Variants in NPM1 observed in about 807,000 individuals in gnomAD.
The protein encoded by NPM1 is nucleophosmin.
In NPM1, 1 loss-of-function variant was observed where a neutral mutation model predicts 44.1. That is an observed-to-expected ratio of 0.02 (90% CI 0.01 to 0.11). The LOEUF (loss-of-function observed/expected upper bound fraction) is 0.11, where lower values mean the gene tolerates loss of function less well. NPM1 is among the 10% of genes least tolerant of loss of function. NPM1 has a pLI of 1.00. For missense variants in NPM1, 197 were observed against 347.8 expected, an observed-to-expected ratio of 0.57 and a Z score of 3.45; for synonymous variants, 126 against 111.8, an observed-to-expected ratio of 1.13 and a Z score of -0.80.
intron 10 of NPM1, among the ~76,000 whole-genome samples, chr5:171,410,043 G>A (rs572088771): frequency 4.0e-5 from 6 of 151,726 alleles, no homozygotes; most frequent in African/African-American, 7.3e-5. Flanking sequence ...TGATCTGCCC[G>A]CCTCAGTCTC....
intron 8 of NPM1, among the ~76,000 whole-genome samples, chr5:171,403,701 T>C (rs1581254960): frequency 2.3e-5 from 3 of 131,804 alleles, no homozygotes; most frequent in Non-Finnish European, 4.8e-5. Context: ...CCCCCCCACC[T>C]CCCTCCCGGA....
chr5:171,391,199 C>G (rs1234537912), intron 2 of NPM1, 106 bp from the exon 3 acceptor site: 1 of 1,280,024 alleles, frequency 7.8e-7, no homozygotes, highest in Non-Finnish European at 1.1e-6. Context: ...TTTCTCAGAA[C>G]CTAGCCCTGT....
chr5:171,405,443 C>A (rs1561875449), intron 9 of NPM1, 40 bp downstream of exon 9: 1 of 861,048 alleles, frequency 1.2e-6, no homozygotes, highest in South Asian at 1.5e-5. Context: ...TCTCCCCCCT[C>A]AAATTGCACG....
At chr5:171,390,399 C>T (rs193175721) in intron 2 of NPM1, among the ~76,000 whole-genome samples, 5 of 152,252 alleles carry the variant, frequency 3.3e-5, no homozygotes, top group Admixed American at 6.5e-5. Context: ...TAAAAGGCAT[C>T]GATAATCTTT....
chr5:171,400,581 T>TGA (rs1357067592), intron 7 of NPM1, among the ~76,000 whole-genome samples: 3 of 151,642 alleles, frequency 2.0e-5, no homozygotes, highest in Non-Finnish European at 2.9e-5. Flanking sequence ...CTCAGCCTCC[T>TGA]GAGTAGCTGG....
intron 10 of NPM1, among the ~76,000 whole-genome samples, chr5:171,408,344 A>C (rs1305514285): frequency 3.3e-5 from 5 of 152,200 alleles, no homozygotes. Flanking sequence ...TCTTATTTAC[A>C]GTTGACTCAT....
chr5:171,387,644 T>C (rs552961179), upstream of NPM1: 98 of 434,566 alleles, frequency 2.3e-4, 1 homozygote, highest in East Asian at 3.8e-3. Context: ...GGGGCCAGTG[T>C]ACGAGTGCGC....
chr5:171,390,259 TTG>T, intron 2 of NPM1, 129 bp downstream of exon 2: 1 of 548,236 alleles, frequency 1.8e-6, no homozygotes, highest in Non-Finnish European at 3.1e-6. Flanking sequence ...CACCTGGGTA[TTG>T]TGTGTACCTC....
intron 7 of NPM1, 141 bp from the exon 8 acceptor site, chr5:171,400,698 G>A (rs1012510717): frequency 8.6e-5 from 49 of 572,004 alleles, no homozygotes; most frequent in Non-Finnish European, 1.4e-4. Flanking sequence ...CACCTGCCTC[G>A]GCCTCCCAAA....
At chr5:171,401,047 T>C in intron 8 of NPM1, 122 bp downstream of exon 8, 2 of 688,630 alleles carry the variant, frequency 2.9e-6, no homozygotes, top group Non-Finnish European at 5.1e-6. Context: ...AATTGCTGTT[T>C]AAAAGTTAAA....
At chr5:171,396,289 T>TGTTTTGATAGTA (rs1009895042) in intron 6 of NPM1, among the ~76,000 whole-genome samples, 1 of 152,188 alleles carries the variant, frequency 6.6e-6, no homozygotes, top group East Asian at 1.9e-4. Context: ...CCAGTAAAGC[T>TGTTTTGATAGTA]GTTTTGATAG....
Position 171,410,517 on chromosome 5 carries a change from T to A in NPM1, c.847-10T>A. The A allele has an allele frequency of 1.9e-6, 3 of 1,554,040 alleles. No individual in the cohort carries two copies. The highest frequency in any genetic ancestry group is 1.2e-5 in the South Asian group (1 of 83,934). ...GTTCCTTAACCACATTTCTTTTTTT[T>A]TTTTTCCAGGCTATTCAAGATCTCT... On this transcript the variant is annotated splice_polypyrimidine_tract_variant and intron_variant, in intron 10 of 10. Transcript: ENST00000296930.
intron 9 of NPM1, chr5:171,405,791 C>G (rs1349504604): frequency 4.3e-6 from 1 of 231,662 alleles, no homozygotes; most frequent in Non-Finnish European, 8.3e-6. Flanking sequence ...TAGATGCTGG[C>G]TGTTGCTTGG....
rs746516563 is a variant in NPM1 at position 171,392,741 on chromosome 5, AGAG to A, written c.393_395del (p.Glu131del). ...AGGAAGATGCAGAGTCAGAAGATGA[AGAG>A]GAGGAGGATGTGAAACTCTTAAGTA... On this transcript the variant is annotated inframe_deletion, in exon 5 of 11. Transcript: ENST00000296930. 39 of 1,612,890 alleles carry A rather than the reference AGAG, an allele frequency of 2.4e-5. No homozygotes were observed. The highest frequency in any genetic ancestry group is 2.9e-5 in the Non-Finnish European group (34 of 1,179,072).
At chr5:171,405,144 A>G (rs563463479) in intron 8 of NPM1, among the ~76,000 whole-genome samples, 158 bp from the exon 9 acceptor site, 25 of 152,290 alleles carry the variant, frequency 1.6e-4, no homozygotes, top group Admixed American at 1.4e-3. Flanking sequence ...TTTAAGAACA[A>G]AATTATATGG....
At chr5:171,402,762 A>C (rs1771281210) in intron 8 of NPM1, among the ~76,000 whole-genome samples, 1 of 135,508 alleles carries the variant, frequency 7.4e-6, no homozygotes, top group African/African-American at 2.7e-5. Flanking sequence ...GGTTGTTTGA[A>C]AGTGTGTAGC....
At chr5:171,403,215 A>T (rs1227304703) in intron 8 of NPM1, among the ~76,000 whole-genome samples, 5 of 90,598 alleles carry the variant, frequency 5.5e-5, no homozygotes, top group African/African-American at 2.1e-4. Flanking sequence ...ACTCTTAACG[A>T]GCATGCTGCC....
intron 8 of NPM1, among the ~76,000 whole-genome samples, chr5:171,401,444 CT>C (rs943850550): frequency 6.6e-6 from 1 of 151,854 alleles, no homozygotes; most frequent in African/African-American, 2.4e-5. Context: ...AGCCAATAGA[CT>C]TTTTTGAAAG....
At chr5:171,405,463 T>A in intron 9 of NPM1, 60 bp downstream of exon 9, 1 of 737,014 alleles carries the variant, frequency 1.4e-6, no homozygotes, top group East Asian at 2.6e-5. Flanking sequence ...GTGTCTGGTT[T>A]GCATAGACTT....
Sources: gnomAD v4.1 joint callset for allele counts (sites outside exome capture counted in the v4.1 genomes callset) on GRCh38, gnomAD v4.1.1 for gene constraint, MANE v1.5 for transcripts, NCBI Gene and HGNC (gene_info 2026-07-23, HGNC 2026-07-21) for gene names.